RAP1A: variants seen among roughly 807,000 people sequenced by gnomAD.
RAP1A encodes the protein RAP1A, member of RAS oncogene family.
RAP1A carries 6 observed loss-of-function variants against 26.4 expected under a neutral mutation model. The ratio of observed to expected loss-of-function variants is 0.23; its 90% CI spans 0.12 to 0.45. The LOEUF is 0.45. Among genes scored for constraint, RAP1A ranks in the 20% least tolerant of loss-of-function variants. RAP1A has a pLI of 0.99. For synonymous variants in RAP1A, 73 were observed against 79.4 expected (o/e 0.92, Z 0.43); for missense variants, 121 against 217.2 (o/e 0.56, Z 2.78).
chr1:111,577,357 GC>G (rs1344006134), intron 1 of RAP1A, among the ~76,000 whole-genome samples: 1 of 118,384 alleles, frequency 8.4e-6, no homozygotes, highest in Non-Finnish European at 1.6e-5. Flanking sequence ...AGCCGAGATC[GC>G]ACCACTGCAC....
chr1:111,670,470 G>T (rs540076817), intron 1 of RAP1A, among the ~76,000 whole-genome samples: 1 of 152,144 alleles, frequency 6.6e-6, no homozygotes, highest in South Asian at 2.1e-4. Flanking sequence ...TTGAGACTCT[G>T]TCTCAAACTA....
At chr1:111,710,371 A>G (rs565485731) in intron 7 of RAP1A, among the ~76,000 whole-genome samples, 27 of 152,226 alleles carry the variant, frequency 1.8e-4, no homozygotes, top group Non-Finnish European at 2.8e-4. Flanking sequence ...ACCAGGATCT[A>G]TGGGGACTTT....
rs1342245208 is a variant in RAP1A, at chr1:111,583,460, G to A, written c.-28+40951G>A. ...CACTCCAGCCTGGGCGACACAGCAAGACCCCATTCAAAAAAAAAAAAATAC... is the reference window on the plus strand; with the variant it reads ...CACTCCAGCCTGGGCGACACAGCAAAACCCCATTCAAAAAAAAAAAAATAC... On this transcript the variant is annotated intron_variant, in intron 1 of 7. Coordinates refer to the RAP1A transcript ENST00000356415. Among the ~76,000 whole-genome samples, 47 of 117,508 alleles carry A rather than the reference G, an allele frequency of 4.0e-4. 1 individual carries two copies. Among genetic ancestry groups the A allele is most frequent in the Non-Finnish European group, 1.8e-4 (10 of 56,510 alleles). The allele number at this position is 117,508 out of a possible 152,430, so 77.1% of individuals were successfully genotyped here. A position where few individuals can be genotyped will look rare whatever the true frequency, so the allele number is the denominator to read the frequency against.
intron 4 of RAP1A, among the ~76,000 whole-genome samples, chr1:111,700,413 T>A (rs495396): frequency 0.85 from 129,400 of 152,128 alleles, 55,134 homozygotes; most frequent in East Asian, 1. Flanking sequence ...GAGCAAAGAG[T>A]GAGCGGGAGA....
chr1:111,641,599 C>T (rs1659892405), intron 1 of RAP1A, among the ~76,000 whole-genome samples: 1 of 152,030 alleles, frequency 6.6e-6, no homozygotes, highest in African/African-American at 2.4e-5. Flanking sequence ...CCATCTTCCT[C>T]AGTTTCTCTA....
chr1:111,660,537 C>G (rs1215742035), intron 1 of RAP1A, among the ~76,000 whole-genome samples: 1 of 152,138 alleles, frequency 6.6e-6, no homozygotes, highest in African/African-American at 2.4e-5. Context: ...TTAACCAATT[C>G]TTACTACCTG....
At position 111,712,634 on chromosome 1, in the gene RAP1A, A is replaced by G. The variant is rs1662419439; in HGVS notation, c.*233A>G. 1 of 152,550 alleles carries G rather than the reference A, an allele frequency of 6.6e-6. No individual in the cohort carries two copies. Among genetic ancestry groups the G allele is most frequent in the Non-Finnish European group, 1.5e-5 (1 of 67,944 alleles). 9.4% of individuals were successfully genotyped at this position (152,550 alleles called of 1,614,324 possible). A position where few individuals can be genotyped will look rare whatever the true frequency, so the allele number is the denominator to read the frequency against. On this transcript the variant is annotated 3_prime_UTR_variant, in exon 8 of 8. Coordinates refer to ENST00000369709, the MANE Select transcript of RAP1A (RefSeq NM_002884.4). ...AAGACAATAGTATTTCTCCTTTGCA[A>G]TAGCAGTTATAACAGATGTGAAAAT...
intron 2 of RAP1A, among the ~76,000 whole-genome samples, chr1:111,693,005 G>A (rs1661714524): frequency 6.6e-6 from 1 of 152,146 alleles, no homozygotes; most frequent in Admixed American, 6.5e-5. Flanking sequence ...AAGTCCATAG[G>A]AGTGAAAGAG....
intron 1 of RAP1A, chr1:111,604,351 C>T (rs1169298266): frequency 6.6e-6 from 1 of 152,204 alleles, no homozygotes; most frequent in Non-Finnish European, 1.5e-5. Context: ...AGGACTAAAG[C>T]CTCTGCCTCA....
In RAP1A at chr1:111,585,294, C is replaced by T. The variant is rs114500852; in HGVS notation, c.-28+42785C>T. Among the ~76,000 whole-genome samples the T allele has an allele frequency of 4.2e-3, 640 of 152,234 alleles. 1 individual carries two copies. The Middle Eastern group carries it at 0.058, about 14-fold the overall frequency. ...CTCTATATCTCTTTTAAAACTGTCT[C>T]GTGTGTCTTTAAAATGTCATGGGAG... On this transcript the variant is annotated intron_variant, in intron 1 of 7. Transcript: ENST00000356415.
At chr1:111,692,814 A>G (rs1018608938) in intron 2 of RAP1A, among the ~76,000 whole-genome samples, 2 of 152,216 alleles carry the variant, frequency 1.3e-5, no homozygotes, top group Non-Finnish European at 2.9e-5. Context: ...CTGTAAAATC[A>G]TAGAGTATCT....
At chr1:111,706,746 G>A in intron 6 of RAP1A, 1 of 984,792 alleles carries the variant, frequency 1.0e-6, no homozygotes, top group Non-Finnish European at 1.2e-6. Context: ...GTTCGAACTT[G>A]CCCTCATCAC....
At chr1:111,642,492 C>CTT (rs111801242) in intron 1 of RAP1A, among the ~76,000 whole-genome samples, 6 of 143,128 alleles carry the variant, frequency 4.2e-5, no homozygotes, top group South Asian at 2.2e-4. Context: ...TAGGTGTTAA[C>CTT]TTTTTTTTTT....
At chr1:111,634,747 C>T (rs564182780) in intron 1 of RAP1A, among the ~76,000 whole-genome samples, 5 of 151,846 alleles carry the variant, frequency 3.3e-5, no homozygotes, top group Non-Finnish European at 7.4e-5. Flanking sequence ...TGGGTTCAAG[C>T]GATTCTTCTG....
chr1:111,563,892 C>T (rs1461518512), intron 1 of RAP1A: 18 of 1,613,692 alleles, frequency 1.1e-5, no homozygotes, highest in Non-Finnish European at 8.5e-7. Context: ...GGCTGCTCTT[C>T]CCAGGAGCTT....
At chr1:111,615,551 G>A (rs1213920204), upstream of RAP1A, among the ~76,000 whole-genome samples, 3 of 152,140 alleles carry the variant, frequency 2.0e-5, no homozygotes, top group African/African-American at 7.2e-5. Context: ...TTAAAATTCA[G>A]GCCAGGCGTG....
intron 1 of RAP1A, chr1:111,563,759 C>T (rs1260025943): frequency 2.1e-6 from 2 of 940,646 alleles, no homozygotes; most frequent in African/African-American, 3.2e-5. Context: ...TGCCCCATAT[C>T]ATGAATAAAT....
intron 1 of RAP1A, among the ~76,000 whole-genome samples, chr1:111,671,837 A>G (rs1660986229): frequency 6.6e-6 from 1 of 152,226 alleles, no homozygotes; most frequent in Non-Finnish European, 1.5e-5. Flanking sequence ...TTTAATTTCC[A>G]TCTTGATTTC....
chr1:111,633,003 G>A (rs72695284), intron 1 of RAP1A, among the ~76,000 whole-genome samples: 19,427 of 151,800 alleles, frequency 0.13, 1,563 homozygotes, highest in South Asian at 0.17. Context: ...ACCATTTGTG[G>A]CAGTATAATT....
Sources: gnomAD v4.1 joint callset for allele counts (sites outside exome capture counted in the v4.1 genomes callset) on GRCh38, gnomAD v4.1.1 for gene constraint, MANE v1.5 for transcripts, NCBI Gene and HGNC (gene_info 2026-07-23, HGNC 2026-07-21) for gene names.